Variants in CHCHD3 observed in about 807,000 individuals in gnomAD.
CHCHD3 encodes MICOS complex subunit MIC19.
Under a neutral mutation model 38.2 loss-of-function variants are expected in CHCHD3, and 20 were observed. The observed-to-expected ratio is 0.52, with a 90% CI of 0.37 to 0.76. The LOEUF (loss-of-function observed/expected upper bound fraction) is 0.76. Ranked by LOEUF, CHCHD3 falls within the 30% of genes least tolerant of loss-of-function variation. The probability of loss-of-function intolerance (pLI) is 0.00; values close to 1 mark genes in which losing one functional copy is unlikely to be tolerated. For missense variants in CHCHD3, 245 were observed against 279.2 expected (o/e 0.88, Z 0.87); for synonymous variants, 82 against 100.0 (o/e 0.82, Z 1.07).
intron 5 of CHCHD3, among the ~76,000 whole-genome samples, chr7:132,841,777 C>T (rs975712731): frequency 6.6e-6 from 1 of 152,080 alleles, no homozygotes; most frequent in South Asian, 2.1e-4. Context: ...GAGGTGTGGG[C>T]GTGCAGCTAG....
At chr7:132,789,351 T>G (rs896289690) in intron 7 of CHCHD3, among the ~76,000 whole-genome samples, 1 of 152,170 alleles carries the variant, frequency 6.6e-6, no homozygotes, top group Non-Finnish European at 1.5e-5. Flanking sequence ...GAAACTCCTT[T>G]TATAAACAGC....
At chr7:132,939,565 A>G (rs1236448447) in intron 4 of CHCHD3, among the ~76,000 whole-genome samples, 4 of 152,050 alleles carry the variant, frequency 2.6e-5, no homozygotes, top group Admixed American at 6.6e-5. Context: ...GTGTAAGTAC[A>G]CTCTCTAGTA....
intron 3 of CHCHD3, among the ~76,000 whole-genome samples, chr7:133,008,425 G>GAAAAAAAAAA (rs988855864): frequency 1.4e-5 from 1 of 74,054 alleles, no homozygotes; most frequent in East Asian, 3.8e-4. Flanking sequence ...ATGCAGAAAA[G>GAAAAAAAAAA]AAAAAAAAAA....
At chr7:132,931,066 C>T (rs1180338296) in intron 4 of CHCHD3, among the ~76,000 whole-genome samples, 2 of 152,146 alleles carry the variant, frequency 1.3e-5, no homozygotes, top group Non-Finnish European at 2.9e-5. Flanking sequence ...CAGCACTCAC[C>T]ACATAGAGGG....
At chr7:132,893,110 T>C (rs1809408848) in intron 4 of CHCHD3, among the ~76,000 whole-genome samples, 2 of 152,122 alleles carry the variant, frequency 1.3e-5, no homozygotes, top group Admixed American at 1.3e-4. Context: ...CCTGGAAACG[T>C]CACAGGCACT....
intron 4 of CHCHD3, among the ~76,000 whole-genome samples, chr7:132,902,369 G>A (rs936926088): frequency 7.2e-5 from 11 of 152,136 alleles, no homozygotes; most frequent in African/African-American, 1.9e-4. Context: ...ACACACATAC[G>A]TATGTTTATT....
At chr7:132,944,862 A>G (rs979509274) in intron 4 of CHCHD3, among the ~76,000 whole-genome samples, 1 of 152,032 alleles carries the variant, frequency 6.6e-6, no homozygotes, top group African/African-American at 2.4e-5. Flanking sequence ...AACTGTCAAT[A>G]TGTTACAAAA....
chr7:132,935,420 C>T (rs1455873117), intron 4 of CHCHD3, among the ~76,000 whole-genome samples: 1 of 152,052 alleles, frequency 6.6e-6, no homozygotes. Context: ...TTTAAGAAGG[C>T]AGAAAACAAT....
intron 6 of CHCHD3, among the ~76,000 whole-genome samples, chr7:132,800,904 T>A (rs1379974256): frequency 6.6e-6 from 1 of 152,064 alleles, no homozygotes; most frequent in Non-Finnish European, 1.5e-5. Flanking sequence ...CTTCATGGGA[T>A]CAGGTGGTCT....
At chr7:132,967,709 A>G (rs1448691318) in intron 4 of CHCHD3, among the ~76,000 whole-genome samples, 1 of 151,782 alleles carries the variant, frequency 6.6e-6, no homozygotes, top group African/African-American at 2.4e-5. Flanking sequence ...ATGTGCCTCC[A>G]GTCCCAGCTA....
At chr7:133,059,338 CA>C (rs1392470675) in intron 2 of CHCHD3, among the ~76,000 whole-genome samples, 1 of 152,094 alleles carries the variant, frequency 6.6e-6, no homozygotes, top group African/African-American at 2.4e-5. Flanking sequence ...ACACCCTAAC[CA>C]AACCTCACCT....
intron 4 of CHCHD3, among the ~76,000 whole-genome samples, chr7:132,934,338 T>C (rs1810585254): frequency 2.6e-5 from 4 of 152,152 alleles, no homozygotes; most frequent in African/African-American, 7.2e-5. Flanking sequence ...GAAAATCCTA[T>C]CGTGGTCCTG....
chr7:132,895,716 T>A (rs1023889157), intron 4 of CHCHD3, among the ~76,000 whole-genome samples: 2 of 152,234 alleles, frequency 1.3e-5, no homozygotes, highest in Admixed American at 1.3e-4. Context: ...ATGTAAGAAG[T>A]GACATTGCTC....
chr7:132,799,527 G>C lies in CHCHD3; in HGVS notation c.525-2950C>G, dbSNP rs528097782. 2.2e-4 allele frequency among the ~76,000 whole-genome samples: 34 copies of C among 152,214 alleles called. No homozygotes were observed. In the South Asian group the frequency reaches 3.5e-3, roughly 16 times the overall value. On this transcript the variant is annotated intron_variant, in intron 6 of 7. Transcript: ENST00000262570. ...AGGAAAATTAAGTCTTAGCAGCAAA[G>C]GACGATTAGACAAGTTAATTTCTTT...
intron 6 of CHCHD3, among the ~76,000 whole-genome samples, chr7:132,837,418 G>GA (rs1807813630): frequency 6.6e-6 from 1 of 152,128 alleles, no homozygotes; most frequent in Non-Finnish European, 1.5e-5. Context: ...ATCCTTGGAA[G>GA]GTCTCTCTCT....
chr7:132,950,130 T>C (rs995630956), intron 4 of CHCHD3, among the ~76,000 whole-genome samples: 2 of 152,174 alleles, frequency 1.3e-5, no homozygotes, highest in Non-Finnish European at 2.9e-5. Context: ...AAAGTATACA[T>C]TGATTTGCAT....
At chr7:132,976,521 A>C (rs1811773224) in intron 3 of CHCHD3, among the ~76,000 whole-genome samples, 1 of 152,224 alleles carries the variant, frequency 6.6e-6, no homozygotes, top group African/African-American at 2.4e-5. Flanking sequence ...GAATCACTGA[A>C]GATTTCAGTC....
intron 4 of CHCHD3, among the ~76,000 whole-genome samples, chr7:132,894,854 C>G (rs145167524): frequency 6.6e-6 from 1 of 151,978 alleles, no homozygotes; most frequent in East Asian, 1.9e-4. Flanking sequence ...ATTATGTAAG[C>G]TCTGAATTAG....
chr7:132,972,523 G>T, intron 4 of CHCHD3: 1 of 893,626 alleles, frequency 1.1e-6, no homozygotes, highest in Non-Finnish European at 1.3e-6. Context: ...TTCTAATCTT[G>T]ATCCAATGAA....
Sources: allele counts gnomAD v4.1 joint callset (sites outside exome capture counted in the v4.1 genomes callset), GRCh38; gene constraint gnomAD v4.1.1; transcripts MANE v1.5; gene names NCBI Gene and HGNC (gene_info 2026-07-23, HGNC 2026-07-21).